The following KCNIP4 variants were observed in gnomAD, a reference collection of about 807,000 sequenced individuals.
The protein encoded by KCNIP4 is Kv channel-interacting protein 4.
KCNIP4 carries 12 observed loss-of-function variants against 34.0 expected under a neutral mutation model. The observed-to-expected ratio is 0.35, with a 90% CI of 0.23 to 0.57. The LOEUF is 0.57. Ranked by LOEUF, KCNIP4 falls within the 20% of genes least tolerant of loss-of-function variation. The pLI is 0.83. For missense variants in KCNIP4, 238 were observed against 311.7 expected (o/e 0.76, Z 1.78); for synonymous variants, 124 against 102.2 (o/e 1.21, Z -1.29).
At chr4:21,663,648 T>C (rs1344782089) in intron 1 of KCNIP4, among the ~76,000 whole-genome samples, 1 of 152,312 alleles carries the variant, frequency 6.6e-6, no homozygotes, top group Non-Finnish European at 1.5e-5. Flanking sequence ...ATGAGTGGTG[T>C]CTAATACTCA....
At chr4:21,474,551 G>A (rs1168725386) in intron 1 of KCNIP4, among the ~76,000 whole-genome samples, 2 of 152,024 alleles carry the variant, frequency 1.3e-5, no homozygotes, top group Non-Finnish European at 2.9e-5. Flanking sequence ...CAGTGGCTAA[G>A]ACATCTTAAA....
chr4:21,197,244 T>C (rs13117927), intron 1 of KCNIP4, among the ~76,000 whole-genome samples: 33,242 of 152,134 alleles, frequency 0.22, 4,141 homozygotes, highest in South Asian at 0.42. Flanking sequence ...TTGATAGATA[T>C]ATGCACTATT....
At chr4:21,602,783 A>C (rs1743300194) in intron 1 of KCNIP4, among the ~76,000 whole-genome samples, 1 of 152,160 alleles carries the variant, frequency 6.6e-6, no homozygotes, top group African/African-American at 2.4e-5. Flanking sequence ...AGAATAAAGA[A>C]GGAAGAGTAT....
At chr4:21,747,576 A>G (rs1257324685) in intron 1 of KCNIP4, among the ~76,000 whole-genome samples, 1 of 152,082 alleles carries the variant, frequency 6.6e-6, no homozygotes, top group Non-Finnish European at 1.5e-5. Context: ...TTCAAAGTAC[A>G]CTCAATCTTG....
chr4:21,025,883 T>C (rs1476698018), intron 1 of KCNIP4, among the ~76,000 whole-genome samples: 1 of 152,142 alleles, frequency 6.6e-6, no homozygotes, highest in African/African-American at 2.4e-5. Context: ...TTTATTTTAA[T>C]GATTTAATAA....
At chr4:21,400,746 T>C (rs1222987889) in intron 1 of KCNIP4, among the ~76,000 whole-genome samples, 1 of 152,086 alleles carries the variant, frequency 6.6e-6, no homozygotes, top group African/African-American at 2.4e-5. Context: ...AAGGGTTGCA[T>C]TCAGCAAATA....
chr4:21,633,254 A>G (rs1023204448), intron 1 of KCNIP4, among the ~76,000 whole-genome samples: 9 of 152,128 alleles, frequency 5.9e-5, no homozygotes, highest in Admixed American at 5.9e-4. Flanking sequence ...TATAGTGGAG[A>G]CTGCTAGGTA....
chr4:21,920,230 T>C (rs563461778), intron 1 of KCNIP4, among the ~76,000 whole-genome samples: 2 of 152,254 alleles, frequency 1.3e-5, no homozygotes, highest in South Asian at 4.1e-4. Flanking sequence ...TACAACTGAG[T>C]ACAGTTGACT....
chr4:21,242,951 A>G (rs559986934), intron 1 of KCNIP4, among the ~76,000 whole-genome samples: 1 of 152,062 alleles, frequency 6.6e-6, no homozygotes, highest in East Asian at 1.9e-4. Context: ...CCTAACTAGT[A>G]CAACAGTAAC....
At chr4:21,798,948 A>C (rs115203990) in intron 1 of KCNIP4, among the ~76,000 whole-genome samples, 1,742 of 152,214 alleles carry the variant, frequency 0.011, 33 homozygotes, top group African/African-American at 0.039. Context: ...CTTTGGCTAC[A>C]TTATCAAAAT....
chr4:21,913,598 A>G (rs577234456), intron 1 of KCNIP4, among the ~76,000 whole-genome samples: 1 of 152,298 alleles, frequency 6.6e-6, no homozygotes, highest in African/African-American at 2.4e-5. Flanking sequence ...AATTAAGACA[A>G]GCAATTTCTT....
chr4:21,175,680 T>A (rs1754354086), intron 1 of KCNIP4, among the ~76,000 whole-genome samples: 1 of 152,178 alleles, frequency 6.6e-6, no homozygotes, highest in Non-Finnish European at 1.5e-5. Flanking sequence ...ATCTGATAAC[T>A]GAGAAGACTA....
chr4:21,456,924 C>T lies in KCNIP4; in HGVS notation c.61+491647G>A, dbSNP rs116282347. Among the ~76,000 whole-genome samples, 546 of 152,124 alleles carry T rather than the reference C, an allele frequency of 3.6e-3. 4 individuals carry two copies. Among genetic ancestry groups the T allele is most frequent in the Non-Finnish European group, 5.6e-3 (381 of 67,988 alleles). ...GATCTTTCACTTCGTATTTCACCGC[C>T]GGGTCACCCTGGGCTCCAGGCTATC... On this transcript the variant is annotated intron_variant, in intron 1 of 8. Coordinates refer to ENST00000382152, the MANE Select transcript of KCNIP4 (RefSeq NM_025221.6).
chr4:21,781,514 C>T (rs1461486286), intron 1 of KCNIP4, among the ~76,000 whole-genome samples: 2 of 152,094 alleles, frequency 1.3e-5, no homozygotes, highest in Non-Finnish European at 2.9e-5. Flanking sequence ...ATAACAAAGA[C>T]ATTCTCAGAT....
intron 1 of KCNIP4, among the ~76,000 whole-genome samples, chr4:21,270,985 C>CAAA (rs755171963): frequency 0.019 from 2,534 of 132,146 alleles, 86 homozygotes; most frequent in African/African-American, 0.058. Flanking sequence ...GTCCCTGTCC[C>CAAA]CAAAAAAAAA....
At chr4:21,380,454 AGG>A (rs1421033415) in intron 1 of KCNIP4, among the ~76,000 whole-genome samples, 184 of 121,710 alleles carry the variant, frequency 1.5e-3, no homozygotes, top group Non-Finnish European at 2.2e-3. Context: ...GGAGAGGGAG[AGG>A]GGGAGAGAGA....
At chr4:21,528,767 GAAAGA>G (rs1736331002) in intron 1 of KCNIP4, among the ~76,000 whole-genome samples, 1 of 10,942 alleles carries the variant, frequency 9.1e-5, no homozygotes, top group Non-Finnish European at 1.7e-4. Flanking sequence ...AAGAAAGAAA[GAAAGA>G]AAGAAAGGAA....
intron 3 of KCNIP4, among the ~76,000 whole-genome samples, chr4:20,784,644 C>T (rs1711704944): frequency 6.6e-6 from 1 of 151,868 alleles, no homozygotes; most frequent in Non-Finnish European, 1.5e-5. Context: ...TGTATTATTT[C>T]ATTACACAAA....
chr4:21,635,609 G>C (rs1241423171), intron 1 of KCNIP4, among the ~76,000 whole-genome samples: 1 of 152,074 alleles, frequency 6.6e-6, no homozygotes, highest in Non-Finnish European at 1.5e-5. Flanking sequence ...ACACCAGTTA[G>C]AATGGCAATC....
Sources: gnomAD v4.1 joint callset for allele counts (sites outside exome capture counted in the v4.1 genomes callset) on GRCh38, gnomAD v4.1.1 for gene constraint, MANE v1.5 for transcripts, NCBI Gene and HGNC (gene_info 2026-07-23, HGNC 2026-07-21) for gene names.